ABCC3: variants seen among roughly 807,000 people sequenced by gnomAD.
The protein encoded by ABCC3 is ATP binding cassette subfamily C member 3, also known as ATP-binding cassette sub-family C member 3.
Under a neutral mutation model 165.3 loss-of-function variants are expected in ABCC3, and 121 were observed. The ratio of observed to expected loss-of-function variants is 0.73; its 90% CI spans 0.63 to 0.85. The LOEUF is 0.85. Ranked by LOEUF, ABCC3 falls within the 40% of genes least tolerant of loss-of-function variation. The pLI, the probability that ABCC3 is intolerant of heterozygous loss-of-function variation, is 0.00. For missense variants in ABCC3, 1,869 were observed against 1,964.1 expected, an observed-to-expected ratio of 0.95 and a Z score of 0.92; for synonymous variants, 733 against 810.1, an observed-to-expected ratio of 0.90 and a Z score of 1.62.
At chr17:50,672,827 G>T (rs994330347) in intron 17 of ABCC3, 144 bp from the exon 18 acceptor site, 39 of 677,194 alleles carry the variant, frequency 5.8e-5, no homozygotes, top group Non-Finnish European at 1.2e-5. Context: ...AGCCAAGATC[G>T]CACCACTGCA....
rs764755029 is a variant in ABCC3 at position 50,675,675 on chromosome 17, C to T, written c.2759C>T (p.Pro920Leu). The T allele has an allele frequency of 7.0e-6, 11 of 1,573,066 alleles. No homozygotes were observed. In the East Asian group the frequency reaches 2.6e-4, roughly 37 times the overall value. Residue 920 changes from proline (P) to leucine (L), a missense_variant, in exon 21 of 31, where the codon CCT becomes CTT. Coordinates refer to ENST00000285238, the MANE Select transcript of ABCC3 (RefSeq NM_003786.4). ...LSSDGEGQGR[P>L]VPRRHLGPSE... ...TCAGATGGGGAGGGACAGGGTCGGC[C>T]TGTACCCCGGAGGCACCTGGGTCCA...
intron 7 of ABCC3, among the ~76,000 whole-genome samples, chr17:50,659,956 A>G (rs1227430008): frequency 1.3e-5 from 2 of 152,222 alleles, no homozygotes; most frequent in Non-Finnish European, 2.9e-5. Context: ...ACTGTACTCC[A>G]GTCTGGGCAA....
At chr17:50,645,330 T>G (rs1278205458) in intron 1 of ABCC3, among the ~76,000 whole-genome samples, 1 of 132,100 alleles carries the variant, frequency 7.6e-6, no homozygotes, top group Non-Finnish European at 1.5e-5. Flanking sequence ...GCCAAGATTG[T>G]GCCACTGCCC....
chr17:50,673,980 C>CCTTCCTTCCTTCCT (rs1967725508), intron 19 of ABCC3, among the ~76,000 whole-genome samples: 22 of 9,374 alleles, frequency 2.3e-3, no homozygotes, highest in Admixed American at 3.8e-3. Context: ...TTCTTTCTTT[C>CCTTCCTTCCTTCCT]TCTCTCTCTC....
At chr17:50,688,427 T>C (rs1005213521) in intron 30 of ABCC3, 2 of 152,334 alleles carry the variant, frequency 1.3e-5, no homozygotes, top group Admixed American at 1.3e-4. Flanking sequence ...TGGTCACAGA[T>C]GAAGAAGCAA....
Position 50,655,642 on chromosome 17 carries a change from C to T in ABCC3, c.46-190C>T, listed in dbSNP as rs1266854627. Among the ~76,000 whole-genome samples the T allele has an allele frequency of 2.0e-5, 3 of 152,056 alleles. No homozygotes were observed. The East Asian group carries it at 5.8e-4, about 29-fold the overall frequency. On this transcript the variant is annotated intron_variant, in intron 1 of 30. Coordinates refer to ENST00000285238, the MANE Select transcript of ABCC3 (RefSeq NM_003786.4). The stretch of plus-strand genomic sequence containing the variant: ...GAGAGAGAATATAAGGAAATGGGGG[C>T]AGCCATGGCGTCCTTGGAGAATTCA...
At position 50,683,288 on chromosome 17, in the gene ABCC3, C is replaced by T. The variant is rs530659839; in HGVS notation, c.3808-322C>T. On this transcript the variant is annotated intron_variant, in intron 26 of 30. Coordinates refer to ENST00000285238, the MANE Select transcript of ABCC3 (RefSeq NM_003786.4). Reference sequence around the variant, plus strand: ...ACTAGGGAGGCTGAGGGAGGAGAATCGCTGGAACCCAGGAGTTCAAGGCTG... The same window carrying T: ...ACTAGGGAGGCTGAGGGAGGAGAATTGCTGGAACCCAGGAGTTCAAGGCTG... Among the ~76,000 whole-genome samples, 9 of 149,844 alleles carry T rather than the reference C, an allele frequency of 6.0e-5. No homozygotes were observed. In the East Asian group the frequency reaches 1.4e-3, roughly 23 times the overall value.
At chr17:50,673,694 T>C in intron 19 of ABCC3, 36 bp downstream of exon 19, 1 of 1,598,734 alleles carries the variant, frequency 6.3e-7, no homozygotes. Context: ...TTCCCATGCC[T>C]TCCCAGCATT....
chr17:50,680,399 G>A (rs901733214), intron 26 of ABCC3, among the ~76,000 whole-genome samples: 12 of 152,102 alleles, frequency 7.9e-5, no homozygotes, highest in African/African-American at 2.7e-4. Context: ...CCTACTGGGG[G>A]TTCCAGACTT....
chr17:50,665,814 G>C (rs1967514598), intron 11 of ABCC3, among the ~76,000 whole-genome samples: 1 of 151,180 alleles, frequency 6.6e-6, no homozygotes, highest in Non-Finnish European at 1.5e-5. Flanking sequence ...GTTTCACCAT[G>C]TTGGCCAGGC....
At chr17:50,668,031 G>A (rs374052697) in intron 13 of ABCC3, 22 bp downstream of exon 13, 81 of 1,602,614 alleles carry the variant, frequency 5.1e-5, no homozygotes, top group Non-Finnish European at 6.5e-5. Context: ...TAGGGCTGGG[G>A]GCTCTACTGG....
intron 11 of ABCC3, among the ~76,000 whole-genome samples, chr17:50,666,701 G>A (rs1294178567): frequency 2.0e-5 from 3 of 152,154 alleles, no homozygotes; most frequent in Non-Finnish European, 2.9e-5. Flanking sequence ...TGAATTCATC[G>A]TGACAAATTC....
Position 50,656,727 on chromosome 17 carries a change from T to A in ABCC3, c.248T>A (p.Val83Asp). 6.2e-7 allele frequency: 1 copy of A among 1,613,770 alleles called. No homozygotes were observed. The highest frequency in any genetic ancestry group is 8.5e-7 in the Non-Finnish European group (1 of 1,179,898). ...KMVLGVLLWC[V>D]SWADLFYSFH... ...GTCCTGGGTGTCCTGCTGTGGTGCG[T>A]CTCCTGGGCGGACCTTTTTTACTCC... Residue 83 changes from valine (V) to aspartate (D), a missense_variant, in exon 3 of 31, where the codon GTC becomes GAC. Val to Asp is a radical substitution (Grantham distance 152). Transcript: ENST00000285238.
Position 50,669,138 on chromosome 17 carries a change from A to G in ABCC3, c.1938-2A>G. 6.3e-7 allele frequency: 1 copy of G among 1,596,132 alleles called. No homozygotes were observed. The highest frequency in any genetic ancestry group is 8.5e-7 in the Non-Finnish European group (1 of 1,173,714). On this transcript the variant is annotated splice_acceptor_variant, in intron 15 of 30. Coordinates refer to ENST00000285238, the MANE Select transcript of ABCC3 (RefSeq NM_003786.4). LOFTEE classifies it high-confidence loss of function. ...CTGGACTCCTGGGGTCCTTGCCCCC[A>G]GCCTAGACATCCAGGTCCCGAAAGG...
chr17:50,647,094 G>A (rs758539401), intron 1 of ABCC3, among the ~76,000 whole-genome samples: 3 of 152,142 alleles, frequency 2.0e-5, no homozygotes, highest in Non-Finnish European at 4.4e-5. Flanking sequence ...GGTCAGGCTG[G>A]TCTCGAACTC....
chr17:50,661,496 ACT>A (rs1167525398), intron 8 of ABCC3, among the ~76,000 whole-genome samples: 2 of 152,148 alleles, frequency 1.3e-5, no homozygotes, highest in East Asian at 3.9e-4. Context: ...TGAGTCCAGG[ACT>A]CTGAGCTCCG....
At chr17:50,676,662 G>T in intron 23 of ABCC3, 74 bp downstream of exon 23, 2 of 1,242,450 alleles carry the variant, frequency 1.6e-6, no homozygotes, top group East Asian at 2.5e-5. Context: ...GGGGCAGCAG[G>T]GGTGGGACAC....
chr17:50,666,473 A>G (rs1018679093), intron 11 of ABCC3, among the ~76,000 whole-genome samples: 7 of 147,248 alleles, frequency 4.8e-5, no homozygotes, highest in Non-Finnish European at 7.4e-5. Context: ...CTCCGTCTCA[A>G]AAAAAAAAGT....
intron 2 of ABCC3, 44 bp from the exon 3 acceptor site, chr17:50,656,658 C>G: frequency 6.3e-7 from 1 of 1,583,670 alleles, no homozygotes; most frequent in Non-Finnish European, 8.6e-7. Context: ...GAGGACTGTC[C>G]TTGCCTCTGG....
Sources: allele counts gnomAD v4.1 joint callset (sites outside exome capture counted in the v4.1 genomes callset), GRCh38; gene constraint gnomAD v4.1.1; transcripts MANE v1.5; gene names NCBI Gene and HGNC (gene_info 2026-07-23, HGNC 2026-07-21).